TOX2: variants seen among roughly 807,000 people sequenced by gnomAD.
The protein encoded by TOX2 is TOX high mobility group box family member 2, also known as granulosa cell HMG box 1.
TOX2 carries 15 observed loss-of-function variants against 47.4 expected under a neutral mutation model. The ratio of observed to expected loss-of-function variants is 0.32; its 90% CI spans 0.21 to 0.49. The LOEUF is 0.49. TOX2 is among the 20% of genes least tolerant of loss of function. The pLI, the probability that TOX2 is intolerant of heterozygous loss-of-function variation, is 0.99. For synonymous variants in TOX2, 290 were observed against 296.6 expected (o/e 0.98, Z 0.23); for missense variants, 622 against 673.1 (o/e 0.92, Z 0.84).
chr20:44,048,413 T>TATATA, intron 3 of TOX2, among the ~76,000 whole-genome samples: 1 of 130,170 alleles, frequency 7.7e-6, no homozygotes, highest in African/African-American at 3.0e-5. Flanking sequence ...TATATATATA[T>TATATA]GTATAATTTA....
At chr20:44,050,668 A>T (rs1399631041) in intron 3 of TOX2, among the ~76,000 whole-genome samples, 3 of 152,256 alleles carry the variant, frequency 2.0e-5, no homozygotes, top group East Asian at 3.8e-4. Flanking sequence ...GCTGACCTGT[A>T]GGAAGAAAAG....
At chr20:43,921,076 C>T (rs1057346841) in intron 1 of TOX2, among the ~76,000 whole-genome samples, 1 of 152,172 alleles carries the variant, frequency 6.6e-6, no homozygotes, top group Admixed American at 6.5e-5. Flanking sequence ...CTTTGTGGGG[C>T]ACAAGGAGCC....
chr20:44,059,482 A>G (rs2071678911), intron 5 of TOX2, among the ~76,000 whole-genome samples: 1 of 152,220 alleles, frequency 6.6e-6, no homozygotes, highest in South Asian at 2.1e-4. Context: ...GCCTTGCTAG[A>G]GATCTAGACA....
At chr20:43,994,533 T>C (rs1348136846) in intron 2 of TOX2, among the ~76,000 whole-genome samples, 2 of 152,018 alleles carry the variant, frequency 1.3e-5, no homozygotes, top group Non-Finnish European at 2.9e-5. Context: ...CAGTGCCTGC[T>C]TCAGGCTGCC....
At chr20:44,033,956 C>T (rs1414755353) in intron 3 of TOX2, among the ~76,000 whole-genome samples, 1 of 152,226 alleles carries the variant, frequency 6.6e-6, no homozygotes, top group African/African-American at 2.4e-5. Flanking sequence ...AGATATGCTG[C>T]AGATCATAGG....
chr20:44,012,340 C>T (rs2070791205), intron 3 of TOX2, among the ~76,000 whole-genome samples: 1 of 152,194 alleles, frequency 6.6e-6, no homozygotes, highest in Admixed American at 6.5e-5. Flanking sequence ...AGACAGGTTC[C>T]TGGGGAACCT....
At chr20:44,063,970 A>G (rs993307242) in intron 5 of TOX2, among the ~76,000 whole-genome samples, 1 of 152,216 alleles carries the variant, frequency 6.6e-6, no homozygotes, top group Non-Finnish European at 1.5e-5. Flanking sequence ...ACACAAAGGC[A>G]TAAGAATGAT....
chr20:44,038,659 G>A (rs1240384766), intron 3 of TOX2, among the ~76,000 whole-genome samples: 6 of 151,892 alleles, frequency 4.0e-5, no homozygotes, highest in East Asian at 1.9e-4. Context: ...AAAAAATTCC[G>A]CCTTCCTGGG....
chr20:44,035,849 C>T (rs1048488392), intron 3 of TOX2, among the ~76,000 whole-genome samples: 5 of 152,218 alleles, frequency 3.3e-5, no homozygotes, highest in Non-Finnish European at 7.3e-5. Flanking sequence ...CTCTCAGGAA[C>T]GTCACCCATG....
chr20:44,022,190 G>C (rs1195728892), intron 3 of TOX2, among the ~76,000 whole-genome samples: 1 of 152,162 alleles, frequency 6.6e-6, no homozygotes, highest in Non-Finnish European at 1.5e-5. Context: ...CTGAGAGGGG[G>C]GTCAGCACAT....
At chr20:44,032,133 T>G (rs1569115702) in intron 3 of TOX2, among the ~76,000 whole-genome samples, 1 of 152,078 alleles carries the variant, frequency 6.6e-6, no homozygotes, top group Admixed American at 6.5e-5. Flanking sequence ...GGGGAAGGCC[T>G]TCTGATAAAA....
chr20:44,004,398 G>A (rs2070641449), intron 2 of TOX2, among the ~76,000 whole-genome samples: 1 of 152,162 alleles, frequency 6.6e-6, no homozygotes, highest in Non-Finnish European at 1.5e-5. Context: ...AGGAACCCTA[G>A]ATGAGAACAG....
chr20:43,958,592 A>G (rs183072062), intron 1 of TOX2, among the ~76,000 whole-genome samples: 1 of 152,258 alleles, frequency 6.6e-6, no homozygotes, highest in African/African-American at 2.4e-5. Context: ...TTCCCTGGGA[A>G]TTGGTTCTAG....
Position 43,989,060 on chromosome 20 carries a change from G to T in TOX2, c.165+15628G>T, listed in dbSNP as rs112504690. The stretch of plus-strand genomic sequence containing the variant: ...AATGATTCAGGCCGTGCTATCCCCA[G>T]TGTGGTCATGGACATGCAGCATCCC... On this transcript the variant is annotated intron_variant, in intron 2 of 8. Coordinates refer to ENST00000341197, the MANE Select transcript of TOX2 (RefSeq NM_001098797.2). Among the ~76,000 whole-genome samples the T allele has an allele frequency of 3.0e-3, 464 of 152,298 alleles. 4 individuals carry two copies. Among genetic ancestry groups the T allele is most frequent in the Non-Finnish European group, 4.1e-3 (277 of 68,020 alleles).
chr20:44,053,190 C>A (rs1320755331), intron 4 of TOX2, among the ~76,000 whole-genome samples: 1 of 152,150 alleles, frequency 6.6e-6, no homozygotes. Context: ...CCAACACCAC[C>A]CCATCCTGGA....
At chr20:43,995,419 G>C (rs1250036431) in intron 2 of TOX2, among the ~76,000 whole-genome samples, 1 of 152,224 alleles carries the variant, frequency 6.6e-6, no homozygotes, top group Non-Finnish European at 1.5e-5. Context: ...AGCTCCAGTT[G>C]TTGGGGTTTG....
At chr20:44,064,220 G>A (rs1188570577) in intron 5 of TOX2, among the ~76,000 whole-genome samples, 2 of 152,100 alleles carry the variant, frequency 1.3e-5, no homozygotes, top group African/African-American at 4.8e-5. Context: ...TGTCTTATTG[G>A]CCAACACAAG....
At chr20:43,959,907 G>A (rs905976364) in intron 1 of TOX2, among the ~76,000 whole-genome samples, 17 of 152,202 alleles carry the variant, frequency 1.1e-4, no homozygotes, top group African/African-American at 3.4e-4. Flanking sequence ...GTTATGGGAG[G>A]TAACGGGGCA....
intron 2 of TOX2, among the ~76,000 whole-genome samples, chr20:43,994,753 G>A (rs939681019): frequency 6.6e-5 from 10 of 152,166 alleles, no homozygotes; most frequent in Admixed American, 2.6e-4. Context: ...TGTCCTGAGC[G>A]AGAACACATG....
Sources: gnomAD v4.1 joint callset for allele counts (sites outside exome capture counted in the v4.1 genomes callset) on GRCh38, gnomAD v4.1.1 for gene constraint, MANE v1.5 for transcripts, NCBI Gene and HGNC (gene_info 2026-07-23, HGNC 2026-07-21) for gene names.